The following SYNPR variants were observed in gnomAD, a reference collection of about 807,000 sequenced individuals.
SYNPR encodes synaptoporin.
Under a neutral mutation model 32.9 loss-of-function variants are expected in SYNPR, and 23 were observed. That is an observed-to-expected ratio of 0.70 (90% CI 0.50 to 0.99). The LOEUF (loss-of-function observed/expected upper bound fraction) is 0.99, where lower values mean the gene tolerates loss of function less well. SYNPR is among the 50% of genes least tolerant of loss of function. The probability of loss-of-function intolerance (pLI) is 0.00; values close to 1 mark genes in which losing one functional copy is unlikely to be tolerated. For synonymous variants in SYNPR, 146 were observed against 135.9 expected (o/e 1.07, Z -0.52); for missense variants, 318 against 349.3 (o/e 0.91, Z 0.71).
At chr3:63,366,986 A>G (rs1246727932) in intron 2 of SYNPR, among the ~76,000 whole-genome samples, 2 of 152,236 alleles carry the variant, frequency 1.3e-5, no homozygotes, top group South Asian at 2.1e-4. Context: ...AGTATCCTTC[A>G]TAACAACCCT....
At position 63,516,764 on chromosome 3, in the gene SYNPR, A is replaced by T. The variant is rs147728689; in HGVS notation, c.209+35808A>T. Among the ~76,000 whole-genome samples the T allele has an allele frequency of 1.4e-3, 212 of 152,152 alleles. 9 individuals are homozygous for T. In the East Asian group the frequency reaches 0.036, roughly 26 times the overall value. Reference sequence around the variant, plus strand: ...AGCAGAGGAGAATCTGCATCTATTCATCTTTAGTTTTTTCTTCTTGTTAAA... The same window carrying T: ...AGCAGAGGAGAATCTGCATCTATTCTTCTTTAGTTTTTTCTTCTTGTTAAA... On this transcript the variant is annotated intron_variant, in intron 3 of 5. Transcript: ENST00000478300.
intron 3 of SYNPR, among the ~76,000 whole-genome samples, chr3:63,509,969 T>C (rs1433734355): frequency 1.3e-5 from 2 of 152,142 alleles, no homozygotes; most frequent in Non-Finnish European, 2.9e-5. Context: ...TGCTTCCTTT[T>C]TTTCCTTTCT....
intron 3 of SYNPR, among the ~76,000 whole-genome samples, chr3:63,527,882 A>C (rs1246780487): frequency 6.6e-6 from 1 of 152,178 alleles, no homozygotes; most frequent in Admixed American, 6.5e-5. Flanking sequence ...CCCAATGTAC[A>C]TCAGAGTTAA....
At chr3:63,576,021 T>C (rs1189515697) in intron 4 of SYNPR, among the ~76,000 whole-genome samples, 1 of 152,182 alleles carries the variant, frequency 6.6e-6, no homozygotes, top group African/African-American at 2.4e-5. Flanking sequence ...AAAGTTACTA[T>C]CTTTAACTTT....
chr3:63,434,149 C>T (rs1434563202), intron 2 of SYNPR, among the ~76,000 whole-genome samples: 8 of 152,160 alleles, frequency 5.3e-5, no homozygotes, highest in Admixed American at 1.3e-4. Context: ...CTTTCCTACC[C>T]ACGCCTTATT....
At chr3:63,514,512 C>T (rs1174962399) in intron 3 of SYNPR, among the ~76,000 whole-genome samples, 1 of 152,162 alleles carries the variant, frequency 6.6e-6, no homozygotes, top group Non-Finnish European at 1.5e-5. Flanking sequence ...GGGTTTCTCT[C>T]CCGTCATCTA....
rs1166858523 is a variant in SYNPR at position 63,616,425 on chromosome 3, G to A, written c.*944G>A. 6.6e-6 allele frequency: 1 copy of A among 152,392 alleles called. No individual in the cohort carries two copies. Among genetic ancestry groups the A allele is most frequent in the African/African-American group, 2.4e-5 (1 of 41,428 alleles). 9.4% of individuals were successfully genotyped at this position (152,392 alleles called of 1,614,324 possible). A position where few individuals can be genotyped will look rare whatever the true frequency, so the allele number is the denominator to read the frequency against. Reference sequence around the variant, plus strand: ...ACCATAGTCAAGGTACCGCCTTGCTGAAGTATTTATTTATAAAGAATATTC... The same window carrying A: ...ACCATAGTCAAGGTACCGCCTTGCTAAAGTATTTATTTATAAAGAATATTC... On this transcript the variant is annotated 3_prime_UTR_variant, in exon 6 of 6. Coordinates refer to ENST00000478300, the MANE Select transcript of SYNPR (RefSeq NM_001130003.2).
At chr3:63,589,012 T>C (rs1703254392) in intron 4 of SYNPR, among the ~76,000 whole-genome samples, 1 of 152,056 alleles carries the variant, frequency 6.6e-6, no homozygotes, top group Non-Finnish European at 1.5e-5. Context: ...GAGTCTTTGG[T>C]CCTGGCCAAC....
chr3:63,375,283 G>A (rs978605436), intron 2 of SYNPR, among the ~76,000 whole-genome samples: 1 of 152,132 alleles, frequency 6.6e-6, no homozygotes, highest in Non-Finnish European at 1.5e-5. Context: ...TATGTTTACT[G>A]CAGCACTATT....
chr3:63,389,975 T>C (rs902138730), intron 2 of SYNPR, among the ~76,000 whole-genome samples: 1 of 152,252 alleles, frequency 6.6e-6, no homozygotes, highest in African/African-American at 2.4e-5. Flanking sequence ...CTCTGGGCTC[T>C]GTGCTGGTGT....
intron 3 of SYNPR, among the ~76,000 whole-genome samples, chr3:63,488,210 T>G (rs762721929): frequency 3.9e-5 from 6 of 152,242 alleles, no homozygotes; most frequent in Non-Finnish European, 8.8e-5. Flanking sequence ...TTATATCTTG[T>G]GTTCAGGAAA....
intron 2 of SYNPR, among the ~76,000 whole-genome samples, chr3:63,442,825 T>C (rs1193040623): frequency 6.6e-6 from 1 of 152,184 alleles, no homozygotes; most frequent in Non-Finnish European, 1.5e-5. Context: ...ATGGGGATTA[T>C]GCATAACAGC....
intron 2 of SYNPR, among the ~76,000 whole-genome samples, chr3:63,393,085 G>A (rs1173163084): frequency 6.6e-6 from 1 of 152,136 alleles, no homozygotes; most frequent in African/African-American, 2.4e-5. Flanking sequence ...TCAACAATAA[G>A]TCACTGAAAA....
At chr3:63,323,705 A>G (rs1417879476) in intron 2 of SYNPR, among the ~76,000 whole-genome samples, 1 of 152,124 alleles carries the variant, frequency 6.6e-6, no homozygotes, top group African/African-American at 2.4e-5. Context: ...CAAAGAAAAG[A>G]AAAACAAAAG....
At chr3:63,398,821 A>C (rs892494374) in intron 2 of SYNPR, among the ~76,000 whole-genome samples, 2 of 152,234 alleles carry the variant, frequency 1.3e-5, no homozygotes, top group South Asian at 4.1e-4. Flanking sequence ...GTCCCTGAGG[A>C]ATATCTGAGG....
chr3:63,596,166 G>C (rs1476539127), intron 4 of SYNPR, among the ~76,000 whole-genome samples: 1 of 150,628 alleles, frequency 6.6e-6, no homozygotes, highest in Non-Finnish European at 1.5e-5. Flanking sequence ...CCTGCTCTCA[G>C]ACACTGCCGC....
At chr3:63,371,068 G>A (rs541937239) in intron 2 of SYNPR, among the ~76,000 whole-genome samples, 29 of 152,138 alleles carry the variant, frequency 1.9e-4, no homozygotes, top group Non-Finnish European at 3.2e-4. Flanking sequence ...AACAACCCAC[G>A]AATGAAAGAG....
intron 3 of SYNPR, among the ~76,000 whole-genome samples, chr3:63,488,061 C>T (rs138555451): frequency 1.4e-3 from 220 of 152,244 alleles, no homozygotes; most frequent in African/African-American, 3.6e-3. Context: ...TATCTAGTAA[C>T]GCTAGCTCTG....
chr3:63,562,858 T>C (rs1702714943), intron 4 of SYNPR, among the ~76,000 whole-genome samples: 1 of 152,162 alleles, frequency 6.6e-6, no homozygotes, highest in Non-Finnish European at 1.5e-5. Flanking sequence ...TTGTGTGAAA[T>C]ATTATTTAAC....
Sources: allele counts gnomAD v4.1 joint callset (sites outside exome capture counted in the v4.1 genomes callset), GRCh38; gene constraint gnomAD v4.1.1; transcripts MANE v1.5; gene names NCBI Gene and HGNC (gene_info 2026-07-23, HGNC 2026-07-21).